The following LSAMP variants were observed in gnomAD, a reference collection of about 807,000 sequenced individuals.
LSAMP encodes the protein limbic system associated membrane protein.
In LSAMP, 7 loss-of-function variants were observed where a neutral mutation model predicts 38.6. That is an observed-to-expected ratio of 0.18 (90% CI 0.10 to 0.34). The LOEUF is 0.34. LSAMP is among the 10% of genes least tolerant of loss of function. The pLI, the probability that LSAMP is intolerant of heterozygous loss-of-function variation, is 1.00. For synonymous variants in LSAMP, 154 were observed against 166.8 expected (o/e 0.92, Z 0.59); for missense variants, 313 against 420.0 (o/e 0.75, Z 2.23).
chr3:115,874,630 A>G (rs1936135406), intron 3 of LSAMP, among the ~76,000 whole-genome samples: 1 of 152,146 alleles, frequency 6.6e-6, no homozygotes, highest in South Asian at 2.1e-4. Flanking sequence ...ACCCTGCACT[A>G]GATGCTGAGT....
intron 1 of LSAMP, among the ~76,000 whole-genome samples, chr3:116,207,282 T>C (rs2046082927): frequency 6.6e-6 from 1 of 152,226 alleles, no homozygotes; most frequent in South Asian, 2.1e-4. Context: ...TCCTTTTATT[T>C]TGTGCCTATG....
At chr3:116,349,384 A>AT (rs1229459005) in intron 1 of LSAMP, among the ~76,000 whole-genome samples, 1 of 151,778 alleles carries the variant, frequency 6.6e-6, no homozygotes, top group South Asian at 2.1e-4. Context: ...TTCTTGCTGG[A>AT]TTTTTTTAAT....
chr3:116,023,041 GTTGT>G (rs1259516127), intron 2 of LSAMP, among the ~76,000 whole-genome samples: 2 of 151,928 alleles, frequency 1.3e-5, no homozygotes, highest in Non-Finnish European at 1.5e-5. Context: ...CTCATGTTCT[GTTGT>G]TTATGTCATG....
At chr3:116,284,378 T>C (rs578042115) in intron 1 of LSAMP, among the ~76,000 whole-genome samples, 2 of 152,372 alleles carry the variant, frequency 1.3e-5, no homozygotes, top group Admixed American at 1.3e-4. Context: ...TGATTCTTTT[T>C]TAAAAATAAT....
chr3:116,272,767 C>T (rs1282621669), intron 1 of LSAMP, among the ~76,000 whole-genome samples: 3 of 152,038 alleles, frequency 2.0e-5, no homozygotes, highest in Non-Finnish European at 4.4e-5. Context: ...AAGAATCTGT[C>T]CTAAGTAAGT....
intron 2 of LSAMP, among the ~76,000 whole-genome samples, chr3:116,066,720 A>G (rs1293161853): frequency 6.6e-6 from 1 of 152,222 alleles, no homozygotes; most frequent in Non-Finnish European, 1.5e-5. Flanking sequence ...AATAAAGGCT[A>G]AGATTCTCAA....
chr3:116,354,224 A>G (rs759599125), intron 1 of LSAMP, among the ~76,000 whole-genome samples: 2 of 152,084 alleles, frequency 1.3e-5, no homozygotes, highest in Admixed American at 6.6e-5. Flanking sequence ...CCAGCCATAT[A>G]CCCTCGGTTC....
intron 3 of LSAMP, among the ~76,000 whole-genome samples, chr3:115,967,339 A>C (rs185127071): frequency 6.6e-6 from 1 of 152,316 alleles, no homozygotes; most frequent in Non-Finnish European, 1.5e-5. Flanking sequence ...GAAGTTCCTT[A>C]TCTCCATTTG....
intron 3 of LSAMP, among the ~76,000 whole-genome samples, chr3:115,929,474 C>T (rs1937547103): frequency 6.6e-6 from 1 of 151,916 alleles, no homozygotes; most frequent in Admixed American, 6.6e-5. Context: ...AAAAAATTCC[C>T]TTCTTTAGTT....
chr3:116,076,770 G>A (rs1056284432), intron 2 of LSAMP, among the ~76,000 whole-genome samples: 2 of 151,730 alleles, frequency 1.3e-5, no homozygotes, highest in Non-Finnish European at 1.5e-5. Context: ...TCGTTCTATT[G>A]TAAAACAACA....
chr3:115,982,618 A>G (rs1474025300), intron 3 of LSAMP, among the ~76,000 whole-genome samples: 2 of 151,550 alleles, frequency 1.3e-5, no homozygotes, highest in Non-Finnish European at 2.9e-5. Context: ...ACCTTTTCCT[A>G]TGTTCCCTTT....
At chr3:116,050,129 A>G (rs898071385) in intron 2 of LSAMP, among the ~76,000 whole-genome samples, 2 of 152,244 alleles carry the variant, frequency 1.3e-5, no homozygotes, top group African/African-American at 4.8e-5. Context: ...AGGGTGGCAG[A>G]GTGATATCTG....
chr3:115,815,406 G>C (rs1372903466), intron 6 of LSAMP, among the ~76,000 whole-genome samples: 1 of 151,946 alleles, frequency 6.6e-6, no homozygotes, highest in African/African-American at 2.4e-5. Context: ...TTGAGTAATG[G>C]GTCTTAAAAT....
chr3:115,870,277 A>G (rs1309886637), intron 3 of LSAMP, among the ~76,000 whole-genome samples: 2 of 152,104 alleles, frequency 1.3e-5, no homozygotes, highest in Non-Finnish European at 2.9e-5. Flanking sequence ...AAGCTCTAAC[A>G]TGCAAGTCTG....
intron 2 of LSAMP, among the ~76,000 whole-genome samples, chr3:116,041,465 T>A (rs1241749045): frequency 6.6e-6 from 1 of 151,892 alleles, no homozygotes; most frequent in Non-Finnish European, 1.5e-5. Context: ...CAGACAAATA[T>A]GATTTATATT....
rs961546975 is a variant in LSAMP at position 115,809,237 on chromosome 3, A to G, written c.*1080T>C. On this transcript the variant is annotated 3_prime_UTR_variant, in exon 7 of 7. Transcript: ENST00000490035. ...CTTATGCTGTTTGCTTACCCCATCG[A>G]TAGTAGGCACTTTCATTTACAGTGA... 1 of 152,086 alleles carries G rather than the reference A, an allele frequency of 6.6e-6. No individual in the cohort carries two copies. The highest frequency in any genetic ancestry group is 1.5e-5 in the Non-Finnish European group (1 of 68,020). 9.4% of individuals were successfully genotyped at this position (152,086 alleles called of 1,614,324 possible). A position where few individuals can be genotyped will look rare whatever the true frequency, so the allele number is the denominator to read the frequency against.
At chr3:115,966,135 T>A (rs1938804962) in intron 3 of LSAMP, among the ~76,000 whole-genome samples, 1 of 152,180 alleles carries the variant, frequency 6.6e-6, no homozygotes, top group African/African-American at 2.4e-5. Flanking sequence ...GTTCTGTACA[T>A]CTTTAAGGAA....
intron 1 of LSAMP, among the ~76,000 whole-genome samples, chr3:116,257,117 G>C (rs1380702384): frequency 6.6e-6 from 1 of 152,136 alleles, no homozygotes; most frequent in Non-Finnish European, 1.5e-5. Flanking sequence ...ATTTAGAATG[G>C]GAGGTCAGAG....
chr3:116,009,078 C>A (rs1940249480), intron 3 of LSAMP, among the ~76,000 whole-genome samples: 1 of 152,260 alleles, frequency 6.6e-6, no homozygotes. Flanking sequence ...TCTGAACCAC[C>A]TCTCAATCTC....
Sources: gnomAD v4.1 joint callset for allele counts (sites outside exome capture counted in the v4.1 genomes callset) on GRCh38, gnomAD v4.1.1 for gene constraint, MANE v1.5 for transcripts, NCBI Gene and HGNC (gene_info 2026-07-23, HGNC 2026-07-21) for gene names.